Variants in ZC3H12B observed in about 807,000 individuals in gnomAD.
ZC3H12B encodes zinc finger CCCH-type containing 12B.
A neutral mutation model predicts 43.9 loss-of-function variants in ZC3H12B; 7 were observed. That is an observed-to-expected ratio of 0.16 (90% CI 0.09 to 0.30). ZC3H12B has a LOEUF of 0.30. Among genes scored for constraint, ZC3H12B ranks in the 10% least tolerant of loss-of-function variants. The probability of loss-of-function intolerance (pLI) is 1.00; values close to 1 mark genes in which losing one functional copy is unlikely to be tolerated. For synonymous variants in ZC3H12B, 222 were observed against 241.7 expected (o/e 0.92, Z 0.76); for missense variants, 475 against 670.2 (o/e 0.71, Z 3.22).
chrX:65,302,148 C>T, the ZC3H12B span, among the ~76,000 whole-genome samples: 1 of 110,291 alleles, frequency 9.1e-6, no homozygotes, highest in South Asian at 3.8e-4. Context: ...CACTACTCTT[C>T]AATGTTATAC....
At chrX:65,307,834 CAGAA>C in the ZC3H12B span, among the ~76,000 whole-genome samples, 1 of 111,567 alleles carries the variant, frequency 9.0e-6, no homozygotes, top group Non-Finnish European at 1.9e-5. Flanking sequence ...AAGTTGTCAC[CAGAA>C]AGAAAACACA....
the ZC3H12B span, among the ~76,000 whole-genome samples, chrX:65,291,149 G>C: frequency 9.0e-6 from 1 of 111,332 alleles, no homozygotes; most frequent in Non-Finnish European, 1.9e-5. Context: ...ACAAAAATAA[G>C]TGTTGGCTAG....
At chrX:65,319,127 C>A in the ZC3H12B span, among the ~76,000 whole-genome samples, 1 of 110,557 alleles carries the variant, frequency 9.0e-6, no homozygotes, top group African/African-American at 3.3e-5. Flanking sequence ...ATACAAAGGT[C>A]AAAGAATGCT....
At chrX:65,329,236 C>A in the ZC3H12B span, among the ~76,000 whole-genome samples, 3 of 111,446 alleles carry the variant, frequency 2.7e-5, no homozygotes, top group Admixed American at 9.5e-5. Context: ...TTAATGATTG[C>A]CATTCTAAAT....
intron 3 of ZC3H12B, among the ~76,000 whole-genome samples, chrX:65,416,772 G>A (rs1229119921): frequency 1.9e-5 from 2 of 106,543 alleles, no homozygotes; most frequent in Non-Finnish European, 3.9e-5. Flanking sequence ...CTGGGCAACA[G>A]AGCGAGACTC....
chrX:65,110,681 T>G, the ZC3H12B span, among the ~76,000 whole-genome samples: 2 of 111,871 alleles, frequency 1.8e-5, no homozygotes, highest in Admixed American at 9.5e-5. Context: ...TCTTTCCACT[T>G]TCTTCTTTTC....
At chrX:65,395,170 T>C (rs775119164) in intron 2 of ZC3H12B, among the ~76,000 whole-genome samples, 1 of 111,932 alleles carries the variant, frequency 8.9e-6, no homozygotes, top group East Asian at 2.8e-4. Context: ...CAATTTGACT[T>C]CCTCTCTTCC....
chrX:65,460,727 T>C (rs2067729422), intron 3 of ZC3H12B, among the ~76,000 whole-genome samples: 1 of 112,001 alleles, frequency 8.9e-6, no homozygotes, highest in South Asian at 3.7e-4. Context: ...ATTAAAGATT[T>C]AAATGTTAGA....
the ZC3H12B span, among the ~76,000 whole-genome samples, chrX:65,336,517 G>A: frequency 3.6e-5 from 4 of 112,377 alleles, no homozygotes; most frequent in South Asian, 3.7e-4. Context: ...ACCAATTATC[G>A]AACTGGCAAG....
the ZC3H12B span, among the ~76,000 whole-genome samples, chrX:65,131,494 G>A: frequency 6.3e-5 from 7 of 111,412 alleles, no homozygotes; most frequent in Admixed American, 6.7e-4. Flanking sequence ...AATGAAAAGG[G>A]TTGGGATGAG....
chrX:65,193,706 A>T, the ZC3H12B span, among the ~76,000 whole-genome samples: 1 of 111,600 alleles, frequency 9.0e-6, no homozygotes, highest in Non-Finnish European at 1.9e-5. Context: ...TAGTTTTTTA[A>T]GATGAATCAT....
At chrX:65,114,872 T>A in the ZC3H12B span, among the ~76,000 whole-genome samples, 2 of 106,113 alleles carry the variant, frequency 1.9e-5, no homozygotes, top group Non-Finnish European at 1.9e-5. Context: ...ATTCAGTTAG[T>A]GCTATTAATT....
chrX:65,451,260 G>T (rs1028008653), intron 3 of ZC3H12B, among the ~76,000 whole-genome samples: 2 of 109,860 alleles, frequency 1.8e-5, no homozygotes, highest in African/African-American at 6.6e-5. Context: ...TCATTTTTTT[G>T]TTTTTGTTTT....
At chrX:65,229,851 G>A in the ZC3H12B span, among the ~76,000 whole-genome samples, 1 of 109,635 alleles carries the variant, frequency 9.1e-6, no homozygotes, top group Non-Finnish European at 1.9e-5. Context: ...TCTCACACCA[G>A]TTAGAATGGC....
chrX:65,224,213 ACAT>A, the ZC3H12B span, among the ~76,000 whole-genome samples: 1 of 112,810 alleles, frequency 8.9e-6, no homozygotes, highest in Non-Finnish European at 1.9e-5. Flanking sequence ...GGAAAACCAA[ACAT>A]CATATGTTCT....
chrX:65,298,191 CAAT>C, the ZC3H12B span, among the ~76,000 whole-genome samples: 11 of 111,699 alleles, frequency 9.8e-5, no homozygotes, highest in Admixed American at 6.6e-4. Flanking sequence ...GCAAAAGAAA[CAAT>C]AAGCGGAGTA....
At chrX:65,424,607 A>G (rs779696930) in intron 3 of ZC3H12B, among the ~76,000 whole-genome samples, 25 of 112,227 alleles carry the variant, frequency 2.2e-4, no homozygotes, top group African/African-American at 8.1e-4. Context: ...TGGATTTTAC[A>G]TTTAAGTATT....
the ZC3H12B span, among the ~76,000 whole-genome samples, chrX:65,166,822 T>G: frequency 1.8e-5 from 2 of 112,232 alleles, no homozygotes; most frequent in Non-Finnish European, 3.8e-5. Context: ...ACATGTCTGT[T>G]GGCTGCATAA....
the ZC3H12B span, among the ~76,000 whole-genome samples, chrX:65,138,863 A>G: frequency 1.8e-5 from 2 of 112,033 alleles, no homozygotes; most frequent in Non-Finnish European, 3.8e-5. Flanking sequence ...CTCTTCATGT[A>G]CCTGTTGGCC....
Sources: gnomAD v4.1 joint callset for allele counts (sites outside exome capture counted in the v4.1 genomes callset) on GRCh38, gnomAD v4.1.1 for gene constraint, MANE v1.5 for transcripts, NCBI Gene and HGNC (gene_info 2026-07-23, HGNC 2026-07-21) for gene names.